Variants in CFTR observed in about 807,000 individuals in gnomAD.
The protein encoded by CFTR is cystic fibrosis transmembrane conductance regulator.
CFTR carries 181 observed loss-of-function variants against 171.6 expected under a neutral mutation model. That is an observed-to-expected ratio of 1.05 (90% CI 0.93 to 1.19). The LOEUF (loss-of-function observed/expected upper bound fraction) is 1.19, where lower values mean the gene tolerates loss of function less well. Ranked by LOEUF, CFTR falls within the 50% of genes most tolerant of loss-of-function variation. The pLI is 0.00. For missense variants in CFTR, 1,968 were observed against 1,734.7 expected, an observed-to-expected ratio of 1.13 and a Z score of -2.39; for synonymous variants, 583 against 608.0, an observed-to-expected ratio of 0.96 and a Z score of 0.60.
chr7:117,548,493 T>C, intron 9 of CFTR, 148 bp from the exon 10 acceptor site: 2 of 1,424,532 alleles, frequency 1.4e-6, no homozygotes, highest in South Asian at 2.7e-5. Flanking sequence ...TTATGTACTA[T>C]AAAGTAATAA....
intron 22 of CFTR, among the ~76,000 whole-genome samples, chr7:117,639,994 C>T (rs920912152): frequency 6.6e-6 from 1 of 152,100 alleles, no homozygotes; most frequent in African/African-American, 2.4e-5. Context: ...ATGTTCTATT[C>T]ATGGTACAAT....
chr7:117,661,983 GA>G (rs57319132), intron 24 of CFTR, among the ~76,000 whole-genome samples: 1,690 of 87,494 alleles, frequency 0.019, 8 homozygotes, highest in Middle Eastern at 0.043. Flanking sequence ...TAATTTTACT[GA>G]AAAAAAAAAA....
chr7:117,588,455 TTCAG>T (rs1791978767), intron 12 of CFTR, among the ~76,000 whole-genome samples: 1 of 152,098 alleles, frequency 6.6e-6, no homozygotes. Context: ...AACTGTAACT[TTCAG>T]TTTAAACAAT....
chr7:117,542,444 G>A (rs1043865151), intron 9 of CFTR, among the ~76,000 whole-genome samples: 3 of 152,122 alleles, frequency 2.0e-5, no homozygotes, highest in African/African-American at 7.2e-5. Flanking sequence ...CTGCTCGGGA[G>A]GCTGAGGCAG....
intron 24 of CFTR, 70 bp from the exon 25 acceptor site, chr7:117,664,618 T>C: frequency 7.0e-7 from 1 of 1,422,002 alleles, no homozygotes; most frequent in Non-Finnish European, 9.9e-7. Context: ...CTCCTGTGTT[T>C]ATTTTTAGAA....
chr7:117,536,384 A>G (rs571754026), intron 6 of CFTR, among the ~76,000 whole-genome samples, 164 bp from the exon 7 acceptor site: 38 of 152,234 alleles, frequency 2.5e-4, no homozygotes, highest in Non-Finnish European at 5.0e-4. Flanking sequence ...GGAGGCATTT[A>G]CCAAACAGTA....
intron 20 of CFTR, among the ~76,000 whole-genome samples, chr7:117,613,377 C>A (rs1042081534): frequency 1.3e-5 from 2 of 152,122 alleles, no homozygotes; most frequent in Non-Finnish European, 2.9e-5. Context: ...GGCCACCCAG[C>A]TATTATTATC....
chr7:117,661,873 T>C (rs1793293679), intron 24 of CFTR, among the ~76,000 whole-genome samples: 1 of 151,806 alleles, frequency 6.6e-6, no homozygotes, highest in South Asian at 2.1e-4. Context: ...TAAAATAATG[T>C]GCCTGATATC....
Position 117,641,719 on chromosome 7 carries a change from A to G in CFTR, c.3718-719A>G, listed in dbSNP as rs145641203. Among the ~76,000 whole-genome samples, 9 of 152,324 alleles carry G rather than the reference A, an allele frequency of 5.9e-5. No individual in the cohort carries two copies. In the East Asian group the frequency reaches 1.7e-3, roughly 29 times the overall value. On this transcript the variant is annotated intron_variant, in intron 22 of 26. Transcript: ENST00000003084. ...AGCACTTGATCTCCTCATGCAGTGC[A>G]TGGTGCTCTCACGTCTATGCTATGT...
At chr7:117,600,550 T>G (rs1792207537) in intron 15 of CFTR, among the ~76,000 whole-genome samples, 1 of 152,022 alleles carries the variant, frequency 6.6e-6, no homozygotes, top group South Asian at 2.1e-4. Context: ...GGCTTTACAT[T>G]ATTAGTACAG....
At chr7:117,627,798 T>C in intron 22 of CFTR, 28 bp downstream of exon 22, 1 of 1,605,164 alleles carries the variant, frequency 6.2e-7, no homozygotes, top group South Asian at 1.1e-5. Context: ...CTTGCTTTGT[T>C]AGACTGTGTT....
chr7:117,498,002 T>G (rs1438727595), intron 1 of CFTR, among the ~76,000 whole-genome samples: 1 of 152,150 alleles, frequency 6.6e-6, no homozygotes, highest in Non-Finnish European at 1.5e-5. Context: ...GTTTATAGTT[T>G]AGAAGCATTG....
At chr7:117,653,179 T>C (rs964890658) in intron 24 of CFTR, among the ~76,000 whole-genome samples, 1 of 152,182 alleles carries the variant, frequency 6.6e-6, no homozygotes, top group Non-Finnish European at 1.5e-5. Flanking sequence ...TCTACACACT[T>C]TGTGTGCATG....
intron 15 of CFTR, among the ~76,000 whole-genome samples, chr7:117,596,708 T>C (rs2116044495): frequency 6.6e-6 from 1 of 152,250 alleles, no homozygotes; most frequent in South Asian, 2.1e-4. Context: ...GGTTTGTGAA[T>C]GCACCAATCA....
chr7:117,642,644 C>T (rs1476320901), intron 23 of CFTR, 51 bp downstream of exon 23: 2 of 1,564,292 alleles, frequency 1.3e-6, no homozygotes, highest in Admixed American at 3.4e-5. Context: ...ATATTTTTTA[C>T]TGCTATTTGA....
chr7:117,610,274 A>G (rs981001602), intron 18 of CFTR, among the ~76,000 whole-genome samples: 1 of 148,050 alleles, frequency 6.8e-6, no homozygotes, highest in Non-Finnish European at 1.5e-5. Flanking sequence ...ACTGGGAGAT[A>G]TACCTAATGC....
intron 24 of CFTR, among the ~76,000 whole-genome samples, chr7:117,657,448 T>G (rs577542161): frequency 1.3e-5 from 2 of 152,298 alleles, no homozygotes; most frequent in African/African-American, 4.8e-5. Context: ...AGTGATAGGT[T>G]TTTGATGAGT....
In CFTR at chr7:117,643,028, T is replaced by C. The variant is rs528822474; in HGVS notation, c.3873+435T>C. ...AAAGTGTAGTGATTGTTTTTTGTTATTTGGATGGGATGAACAATGTCAGAT... is the reference window on the plus strand; with the variant it reads ...AAAGTGTAGTGATTGTTTTTTGTTACTTGGATGGGATGAACAATGTCAGAT... On this transcript the variant is annotated intron_variant, in intron 23 of 26. Coordinates refer to ENST00000003084, the MANE Select transcript of CFTR (RefSeq NM_000492.4). Among the ~76,000 whole-genome samples the C allele has an allele frequency of 2.0e-5, 3 of 152,276 alleles. No homozygotes were observed. The South Asian group carries it at 6.2e-4, about 32-fold the overall frequency.
chr7:117,653,307 G>T (rs982762586), intron 24 of CFTR, among the ~76,000 whole-genome samples: 9 of 152,162 alleles, frequency 5.9e-5, no homozygotes, highest in Non-Finnish European at 4.4e-5. Flanking sequence ...CCCTATCTTG[G>T]TCCATTTAGG....
Sources: gnomAD v4.1 joint callset for allele counts (sites outside exome capture counted in the v4.1 genomes callset) on GRCh38, gnomAD v4.1.1 for gene constraint, MANE v1.5 for transcripts, NCBI Gene and HGNC (gene_info 2026-07-23, HGNC 2026-07-21) for gene names.